The following ZNF679 variants were observed in gnomAD, a reference collection of about 807,000 sequenced individuals.
ZNF679 encodes hypothetical protein MGC42415.
Under a neutral mutation model 13.4 loss-of-function variants are expected in ZNF679, and 10 were observed. That is an observed-to-expected ratio of 0.75 (90% CI 0.46 to 1.27). The LOEUF (loss-of-function observed/expected upper bound fraction) is 1.27. ZNF679 is among the 50% of genes most tolerant of loss of function. ZNF679 has a pLI of 0.00. For missense variants in ZNF679, 525 were observed against 477.8 expected, an observed-to-expected ratio of 1.10 and a Z score of -0.92; for synonymous variants, 179 against 162.5, an observed-to-expected ratio of 1.10 and a Z score of -0.77.
chr7:64,231,222 G>T (rs912123614), intron 1 of ZNF679, among the ~76,000 whole-genome samples: 1 of 152,186 alleles, frequency 6.6e-6, no homozygotes, highest in Non-Finnish European at 1.5e-5. Context: ...CTTTTCTATT[G>T]TCTTGGTCCA....
intron 1 of ZNF679, among the ~76,000 whole-genome samples, chr7:64,233,230 G>A (rs1787663624): frequency 7.0e-6 from 1 of 142,608 alleles, no homozygotes; most frequent in South Asian, 2.3e-4. Context: ...GACAAAGTCA[G>A]ACTCTGTCTC....
intron 2 of ZNF679, among the ~76,000 whole-genome samples, chr7:64,250,806 C>G (rs1787935490): frequency 6.6e-6 from 1 of 152,082 alleles, no homozygotes; most frequent in Non-Finnish European, 1.5e-5. Flanking sequence ...CCAGGCTGGT[C>G]TCGAATGCCT....
chr7:64,261,383 T>C (rs141739563), intron 4 of ZNF679, among the ~76,000 whole-genome samples: 43 of 152,276 alleles, frequency 2.8e-4, no homozygotes, highest in African/African-American at 1.0e-3. Flanking sequence ...AGACTTGAAA[T>C]ATAGTTTAAG....
intron 1 of ZNF679, among the ~76,000 whole-genome samples, chr7:64,236,981 AAGAAAGAAAG>A (rs1787734082): frequency 1.8e-5 from 1 of 55,988 alleles, no homozygotes; most frequent in South Asian, 4.5e-4. Flanking sequence ...AAGAAAAAGA[AAGAAAGAAAG>A]AAAGAAAGAA....
intron 2 of ZNF679, among the ~76,000 whole-genome samples, chr7:64,256,182 T>A (rs1247972595): frequency 3.3e-5 from 5 of 152,194 alleles, no homozygotes; most frequent in Non-Finnish European, 7.3e-5. Context: ...TGATTTTCTG[T>A]TCCTGCACTA....
At chr7:64,239,209 T>A (rs1787763157) in intron 1 of ZNF679, among the ~76,000 whole-genome samples, 1 of 152,078 alleles carries the variant, frequency 6.6e-6, no homozygotes, top group Admixed American at 6.6e-5. Context: ...CATATACGGA[T>A]CCAGTCCACA....
intron 1 of ZNF679, among the ~76,000 whole-genome samples, chr7:64,231,307 G>A (rs1787636415): frequency 1.3e-5 from 2 of 152,194 alleles, no homozygotes; most frequent in Admixed American, 6.5e-5. Context: ...GCAGGGACCA[G>A]GCAGAAGTTC....
intron 1 of ZNF679, among the ~76,000 whole-genome samples, chr7:64,237,649 G>A (rs1787745265): frequency 6.6e-6 from 1 of 152,248 alleles, no homozygotes; most frequent in Non-Finnish European, 1.5e-5. Context: ...AATTCTGACA[G>A]AATCAAGAGT....
intron 2 of ZNF679, among the ~76,000 whole-genome samples, chr7:64,258,171 C>T (rs1484447507): frequency 1.3e-5 from 2 of 151,480 alleles, no homozygotes; most frequent in Non-Finnish European, 2.9e-5. Flanking sequence ...GCTCGTTGTT[C>T]TCTGCTCTTA....
intron 1 of ZNF679, among the ~76,000 whole-genome samples, chr7:64,245,537 G>A (rs180825271): frequency 1.1e-3 from 170 of 151,912 alleles, no homozygotes; most frequent in African/African-American, 3.9e-3. Flanking sequence ...AAAGACCCAC[G>A]CATTGAATCA....
chr7:64,238,048 T>C (rs1190500683), intron 1 of ZNF679, among the ~76,000 whole-genome samples: 1 of 152,138 alleles, frequency 6.6e-6, no homozygotes, highest in Admixed American at 6.5e-5. Context: ...GTCAGGATCA[T>C]TACCATTGTT....
intron 1 of ZNF679, among the ~76,000 whole-genome samples, chr7:64,239,233 C>T (rs1787763604): frequency 6.6e-6 from 1 of 152,196 alleles, no homozygotes; most frequent in Non-Finnish European, 1.5e-5. Context: ...GAAGTGGGGA[C>T]TCTCCAACCA....
At position 64,236,907 on chromosome 7, in the gene ZNF679, AAAG is replaced by A. The variant is rs1183166102; in HGVS notation, c.-91+8258_-91+8260del. On this transcript the variant is annotated intron_variant, in intron 1 of 4. Transcript: ENST00000421025. ...AAGAAAGAAAAAAAGAAAAAGAAAA[AAAG>A]AAAGAAAGAAAGAAGAAAGAAAGAA... 1.9e-3 allele frequency among the ~76,000 whole-genome samples: 239 copies of A among 125,848 alleles called. 1 individual carries two copies. Among genetic ancestry groups the A allele is most frequent in the Non-Finnish European group, 3.5e-3 (208 of 59,336 alleles). 82.6% of individuals were successfully genotyped at this position (125,848 alleles called of 152,430 possible).
rs764291756 is a variant in ZNF679, at chr7:64,241,186, T to C, written c.-90-7842T>C. 3.3e-4 allele frequency among the ~76,000 whole-genome samples: 50 copies of C among 152,210 alleles called. 1 individual carries two copies. Among genetic ancestry groups the C allele is most frequent in the Non-Finnish European group, 6.6e-4 (45 of 68,028 alleles). On this transcript the variant is annotated intron_variant, in intron 1 of 4. Coordinates refer to ENST00000421025, the MANE Select transcript of ZNF679 (RefSeq NM_153363.3). ...CATACAACGTGCATGCAAGTCATAA[T>C]AGTCTGTGACCATCCTGCAAGTTAA... is the stretch of plus-strand genomic sequence containing the variant.
At chr7:64,234,858 G>C (rs903373051) in intron 1 of ZNF679, among the ~76,000 whole-genome samples, 2 of 152,008 alleles carry the variant, frequency 1.3e-5, no homozygotes, top group African/African-American at 2.4e-5. Flanking sequence ...TTTTTTTCAA[G>C]ACAGAGTCTC....
At chr7:64,242,822 G>A (rs1386454192) in intron 1 of ZNF679, among the ~76,000 whole-genome samples, 1 of 151,506 alleles carries the variant, frequency 6.6e-6, no homozygotes, top group African/African-American at 2.4e-5. Flanking sequence ...CCTAAACCCA[G>A]CTATGAGAGT....
intron 2 of ZNF679, 146 bp downstream of exon 2, chr7:64,249,302 C>A: frequency 7.6e-7 from 1 of 1,321,422 alleles, no homozygotes; most frequent in Non-Finnish European, 1.1e-6. Context: ...GGCTGTTAGT[C>A]CCCTCGAGCC....
intron 4 of ZNF679, among the ~76,000 whole-genome samples, chr7:64,261,456 G>T (rs967545099): frequency 2.6e-5 from 4 of 151,768 alleles, no homozygotes; most frequent in Non-Finnish European, 5.9e-5. Flanking sequence ...TAGAGGTTGG[G>T]TTATGAGACT....
intron 2 of ZNF679, among the ~76,000 whole-genome samples, chr7:64,250,508 GATCTGGCC>G (rs1787932373): frequency 6.6e-6 from 1 of 151,834 alleles, no homozygotes; most frequent in Admixed American, 6.6e-5. Flanking sequence ...GGCCTCAAGT[GATCTGGCC>G]GCCTTTGCCA....
Sources: gnomAD v4.1 joint callset for allele counts (sites outside exome capture counted in the v4.1 genomes callset) on GRCh38, gnomAD v4.1.1 for gene constraint, MANE v1.5 for transcripts, NCBI Gene and HGNC (gene_info 2026-07-23, HGNC 2026-07-21) for gene names.